The following ETF1 variants were observed in gnomAD, a reference collection of about 807,000 sequenced individuals.
ETF1 encodes the protein eukaryotic translation termination factor 1.
Under a neutral mutation model 55.1 loss-of-function variants are expected in ETF1, and 4 were observed. The observed-to-expected ratio is 0.07, with a 90% CI of 0.04 to 0.17. The LOEUF is 0.17. Among genes scored for constraint, ETF1 ranks in the 10% least tolerant of loss-of-function variants. The probability of loss-of-function intolerance (pLI) is 1.00; values close to 1 mark genes in which losing one functional copy is unlikely to be tolerated. For missense variants in ETF1, 142 were observed against 523.6 expected, an observed-to-expected ratio of 0.27 and a Z score of 7.11; for synonymous variants, 157 against 182.3, an observed-to-expected ratio of 0.86 and a Z score of 1.12.
intron 2 of ETF1, among the ~76,000 whole-genome samples, chr5:138,532,354 G>T (rs1431235190): frequency 1.3e-5 from 2 of 152,208 alleles, no homozygotes; most frequent in Non-Finnish European, 2.9e-5. Flanking sequence ...TAATGGCCGT[G>T]TGACCGAAGG....
In ETF1 at chr5:138,533,203, G is replaced by A. The variant is rs1012068351; in HGVS notation, c.86+9630C>T. 1.3e-4 allele frequency among the ~76,000 whole-genome samples: 20 copies of A among 151,924 alleles called. No individual in the cohort carries two copies. The South Asian group carries it at 3.1e-3, about 24-fold the overall frequency. On this transcript the variant is annotated intron_variant, in intron 2 of 10. Transcript: ENST00000360541. The stretch of plus-strand genomic sequence containing the variant: ...TCCACCTCAGCCTCCCAAAGTGCTG[G>A]GATTACAGGCGTGAGCCACCGGGCC...
chr5:138,530,147 A>T (rs185121711), intron 2 of ETF1, among the ~76,000 whole-genome samples: 1 of 151,780 alleles, frequency 6.6e-6, no homozygotes, highest in Non-Finnish European at 1.5e-5. Flanking sequence ...CTTTCTAAAG[A>T]AGCAAAATAA....
Position 138,517,678 on chromosome 5 carries a change from T to A in ETF1, c.285A>T (p.Val95=). The change falls in exon 4 of 11, where the codon GTA becomes GTT. Residue 95 remains valine (V), a synonymous_variant. Coordinates refer to ENST00000360541, the MANE Select transcript of ETF1 (RefSeq NM_004730.4). ...CTTCTGTTACAATTGTTCCACAGTA[T>A]ACAACCAGACCATTTGGAGGTACTG... ...YNKVPPNGLV[V]YCGTIVTEEG... The A allele has an allele frequency of 6.4e-7, 1 of 1,554,298 alleles. No individual in the cohort carries two copies. The highest frequency in any genetic ancestry group is 1.2e-5 in the South Asian group (1 of 83,786).
At chr5:138,511,808 A>G (rs1764796737) in intron 6 of ETF1, 11 of 982,732 alleles carry the variant, frequency 1.1e-5, no homozygotes, top group Non-Finnish European at 1.3e-5. Context: ...CACACATTTT[A>G]TTAGACCTAC....
At chr5:138,532,201 ACT>A (rs1159954793) in intron 2 of ETF1, among the ~76,000 whole-genome samples, 1 of 152,086 alleles carries the variant, frequency 6.6e-6, no homozygotes, top group Non-Finnish European at 1.5e-5. Flanking sequence ...TGTTTTATTC[ACT>A]GTGTGTTTTC....
chr5:138,512,230 A>ATG (rs1268386476), intron 6 of ETF1, among the ~76,000 whole-genome samples: 87 of 5,024 alleles, frequency 0.017, 1 homozygote, highest in Middle Eastern at 0.1. Flanking sequence ...AAAAAAATAT[A>ATG]TATATATATA....
chr5:138,531,008 A>G (rs538933397), intron 2 of ETF1, among the ~76,000 whole-genome samples: 12 of 152,328 alleles, frequency 7.9e-5, no homozygotes, highest in Admixed American at 6.5e-4. Flanking sequence ...AACCCAGAGC[A>G]GTTGCTTGCT....
At chr5:138,514,980 C>T (rs1243535935) in intron 4 of ETF1, among the ~76,000 whole-genome samples, 38 of 152,194 alleles carry the variant, frequency 2.5e-4, no homozygotes, top group Admixed American at 2.5e-3. Flanking sequence ...TCCTCTTTGG[C>T]CTCCCAAAGT....
chr5:138,542,721 C>A (rs1766236751), intron 2 of ETF1, 112 bp downstream of exon 2: 8 of 1,529,346 alleles, frequency 5.2e-6, no homozygotes, highest in Non-Finnish European at 7.0e-6. Context: ...ATCCAGAAGG[C>A]GGGAGTTGGC....
chr5:138,530,182 G>T (rs555305801), intron 2 of ETF1, among the ~76,000 whole-genome samples: 3 of 152,154 alleles, frequency 2.0e-5, no homozygotes, highest in Non-Finnish European at 4.4e-5. Flanking sequence ...AGACACAAAA[G>T]ATCCCTTCTT....
intron 2 of ETF1, among the ~76,000 whole-genome samples, chr5:138,536,911 C>A (rs1233718815): frequency 6.6e-6 from 1 of 152,190 alleles, no homozygotes; most frequent in Non-Finnish European, 1.5e-5. Context: ...ATAACCTACA[C>A]AGCACTCTGC....
intron 2 of ETF1, among the ~76,000 whole-genome samples, chr5:138,533,312 G>A (rs1765778896): frequency 6.6e-6 from 1 of 151,858 alleles, no homozygotes; most frequent in African/African-American, 2.4e-5. Context: ...ATGAATAAAT[G>A]GCCAATTCCT....
In ETF1 at chr5:138,512,830, A is replaced by G; in HGVS notation, c.666T>C (p.Ala222=). Residue 222 remains alanine, a synonymous_variant, in exon 6 of 11, where the codon GCT becomes GCC. Transcript: ENST00000360541. ...LFISGDKVNV[A]GLVLAGSADF... ...CAGCGGATCCAGCTAAAACTAGACC[A>G]GCCACATTCACTTTGTCCCCAGAAA... 6.2e-7 allele frequency: 1 copy of G among 1,602,428 alleles called. No homozygotes were observed. Among genetic ancestry groups the G allele is most frequent in the Non-Finnish European group, 8.5e-7 (1 of 1,176,022 alleles).
chr5:138,511,310 A>G (rs1344046218), intron 7 of ETF1, 110 bp from the exon 8 acceptor site: 1 of 1,527,040 alleles, frequency 6.5e-7, no homozygotes, highest in South Asian at 1.3e-5. Context: ...GCTTTTACTG[A>G]GGCAAAAGAG....
chr5:138,519,413 C>T (rs775028000), intron 2 of ETF1, among the ~76,000 whole-genome samples: 3 of 151,944 alleles, frequency 2.0e-5, no homozygotes, highest in Non-Finnish European at 4.4e-5. Flanking sequence ...CTTATAATCC[C>T]AGCACTTTGG....
chr5:138,529,484 A>T, intron 2 of ETF1: 1 of 443,348 alleles, frequency 2.3e-6, no homozygotes, highest in Non-Finnish European at 3.0e-6. Context: ...TCAAAGAACT[A>T]GTGAATCATG....
chr5:138,530,038 C>T (rs1449957550), intron 2 of ETF1, among the ~76,000 whole-genome samples: 1 of 152,206 alleles, frequency 6.6e-6, no homozygotes, highest in African/African-American at 2.4e-5. Flanking sequence ...GCGACCGTGC[C>T]CGCCTGACCC....
chr5:138,516,850 C>T (rs577471670), intron 4 of ETF1, among the ~76,000 whole-genome samples: 2 of 152,270 alleles, frequency 1.3e-5, no homozygotes, highest in East Asian at 1.9e-4. Flanking sequence ...TGAATGTTCA[C>T]AGCAGCATTA....
chr5:138,528,751 T>C (rs1223751268), intron 2 of ETF1, among the ~76,000 whole-genome samples: 1 of 152,252 alleles, frequency 6.6e-6, no homozygotes, highest in South Asian at 2.1e-4. Context: ...ATAAGACACC[T>C]GACTAGGGAG....
Sources: allele counts gnomAD v4.1 joint callset (sites outside exome capture counted in the v4.1 genomes callset), GRCh38; gene constraint gnomAD v4.1.1; transcripts MANE v1.5; gene names NCBI Gene and HGNC (gene_info 2026-07-23, HGNC 2026-07-21).